Variants in MACF1 observed in about 807,000 individuals in gnomAD.
MACF1 encodes the protein microtubule-actin cross-linking factor 1.
A neutral mutation model predicts 854.8 loss-of-function variants in MACF1; 193 were observed. The observed-to-expected ratio is 0.23, with a 90% CI of 0.20 to 0.25. The LOEUF is 0.25. MACF1 is among the 10% of genes least tolerant of loss of function. The probability of loss-of-function intolerance (pLI) is 1.00; values close to 1 mark genes in which losing one functional copy is unlikely to be tolerated. For synonymous variants in MACF1, 3,185 were observed against 3,226.7 expected, an observed-to-expected ratio of 0.99 and a Z score of 0.44; for missense variants, 7,722 against 8,929.1, an observed-to-expected ratio of 0.86 and a Z score of 5.45.
At chr1:39,230,050 A>G (rs1337477441) in intron 1 of MACF1, among the ~76,000 whole-genome samples, 1 of 152,204 alleles carries the variant, frequency 6.6e-6, no homozygotes, top group African/African-American at 2.4e-5. Context: ...TGTGTGTCCC[A>G]AATGCCAAGG....
chr1:39,433,098 C>T lies in MACF1; in HGVS notation c.17508C>T (p.Phe5836=). ...IRHKDSMDEL[F]SHRSEIFGTC... ...ACAAAGATTCAATGGATGAACTCTT[C>T]AGTCACCGTAGTGAAATCTTTGGCA... is the stretch of plus-strand genomic sequence containing the variant. The change falls in exon 68 of 101, where the codon TTC becomes TTT. Residue 5836 remains phenylalanine (F), a synonymous_variant. Coordinates refer to ENST00000564288, the MANE Select transcript of MACF1 (RefSeq NM_001394062.1). The T allele has an allele frequency of 6.2e-7, 1 of 1,612,476 alleles. No individual in the cohort carries two copies. The highest frequency in any genetic ancestry group is 8.5e-7 in the Non-Finnish European group (1 of 1,179,132).
intron 58 of MACF1, chr1:39,411,225 G>A: frequency 6.2e-7 from 1 of 1,613,868 alleles, no homozygotes; most frequent in Non-Finnish European, 8.5e-7. Context: ...CTGAGCTAAA[G>A]TTTGAGGAGG....
intron 6 of MACF1, chr1:39,269,832 C>T (rs1227272711): frequency 2.3e-6 from 2 of 861,052 alleles, no homozygotes; most frequent in Non-Finnish European, 3.1e-6. Flanking sequence ...CTCAAACTTA[C>T]CCCCATGTGG....
rs1406092352 is a variant in MACF1, at chr1:39,480,905, A to T, written c.22171-15A>T. The T allele has an allele frequency of 7.0e-7, 1 of 1,435,928 alleles. No homozygotes were observed. The highest frequency in any genetic ancestry group is 9.6e-7 in the Non-Finnish European group (1 of 1,044,302). The allele number at this position is 1,435,928 out of a possible 1,614,324, so 88.9% of individuals were successfully genotyped here. A position where few individuals can be genotyped will look rare whatever the true frequency, so the allele number is the denominator to read the frequency against. ...CAATTGTTCCTGTCCTTCCCTTTGG[A>T]TTTCCGTTTCACAGACTTCACTTCA... On this transcript the variant is annotated splice_polypyrimidine_tract_variant and intron_variant, in intron 98 of 100. Transcript: ENST00000564288.
chr1:39,315,721 G>A (rs1180643223), intron 27 of MACF1, 30 bp downstream of exon 27: 30 of 1,604,878 alleles, frequency 1.9e-5, no homozygotes, highest in Non-Finnish European at 2.3e-5. Context: ...GGGTCCAAGA[G>A]CAATATTTTC....
At chr1:39,164,910 T>G (rs1643868260) in intron 2 of MACF1, among the ~76,000 whole-genome samples, 1 of 152,260 alleles carries the variant, frequency 6.6e-6, no homozygotes. Flanking sequence ...TACAGCCAAG[T>G]GCAAATCAGC....
At chr1:39,411,787 A>G (rs1198802538) in intron 58 of MACF1, 8 of 1,613,886 alleles carry the variant, frequency 5.0e-6, no homozygotes, top group African/African-American at 1.3e-5. Context: ...ACTCGTAATT[A>G]GTCATTTTTC....
Position 39,327,298 on chromosome 1 carries a change from C to G in MACF1, c.4559C>G (p.Ser1520Cys). The G allele has an allele frequency of 6.2e-7, 1 of 1,607,530 alleles. No homozygotes were observed. The highest frequency in any genetic ancestry group is 1.1e-5 in the South Asian group (1 of 90,700). ...NKAYHDLCDG[S>C]ANQLQQLQSQ... ...GCTTACCATGACCTTTGTGATGGTT[C>G]TGCAAATCAGCTTCAGCAGCTTCAG... Residue 1520 changes from serine to cysteine, a missense_variant, in exon 36 of 101, where the codon TCT (serine) becomes TGT (cysteine). Physicochemically the swap from Ser to Cys is moderately radical, Grantham distance 112 (BLOSUM62 -1). This residue lies in a region of MACF1 where 1,531 missense variants were observed against 1,601.6 expected (regional missense o/e 0.96). Transcript: ENST00000564288.
intron 58 of MACF1, chr1:39,410,690 C>T (rs775952549): frequency 6.2e-7 from 1 of 1,613,852 alleles, no homozygotes; most frequent in South Asian, 1.1e-5. Context: ...CCCAACTTCC[C>T]AGAATTTGCA....
chr1:39,141,740 A>G (rs757815916), intron 2 of MACF1, among the ~76,000 whole-genome samples: 2 of 152,198 alleles, frequency 1.3e-5, no homozygotes, highest in Non-Finnish European at 2.9e-5. Context: ...AAATTCAGGT[A>G]TTAGTTTACA....
rs757504348 is a variant in MACF1 at position 39,333,454 on chromosome 1, C to T, written c.6866C>T (p.Ser2289Phe). 2.5e-6 allele frequency: 4 copies of T among 1,614,000 alleles called. No homozygotes were observed. Among genetic ancestry groups the T allele is most frequent in the Admixed American group, 1.7e-5 (1 of 59,990 alleles). Residue 2289 changes from serine (S) to phenylalanine (F), a missense_variant, in exon 37 of 101, where the codon TCT becomes TTT. By Grantham distance (155) the Ser-to-Phe change is radical. Coordinates refer to ENST00000564288, the MANE Select transcript of MACF1 (RefSeq NM_001394062.1). ...GAAGAAGCTACCTTAAATGTATTATCTGCACAGTTACTAGATGGTGGTATC... is the reference window on the plus strand; with the variant it reads ...GAAGAAGCTACCTTAAATGTATTATTTGCACAGTTACTAGATGGTGGTATC... ...LLEEATLNVLSAQLLDGGIFH... is the reference protein window; with the variant it reads ...LLEEATLNVLFAQLLDGGIFH...
chr1:39,206,463 A>C, intron 1 of MACF1: 1 of 152,348 alleles, frequency 6.6e-6, no homozygotes, highest in South Asian at 2.1e-4. Context: ...AACATTAAAT[A>C]ACTAATTAGT....
chr1:39,195,175 A>G (rs3931300), intron 2 of MACF1, among the ~76,000 whole-genome samples: 100,291 of 151,972 alleles, frequency 0.66, 33,710 homozygotes, highest in South Asian at 0.79. Context: ...CCTCTCTAGA[A>G]GAGCATTTTG....
At chr1:39,104,662 C>T (rs1557455596) in intron 2 of MACF1, among the ~76,000 whole-genome samples, 1 of 152,186 alleles carries the variant, frequency 6.6e-6, no homozygotes. Flanking sequence ...GTTTTCGTGC[C>T]TCCCTGGGTT....
In MACF1 at chr1:39,447,707, G is replaced by C; in HGVS notation, c.19777G>C (p.Val6593Leu). The change falls in exon 82 of 101, where the codon GTA becomes CTA. Residue 6593 changes from valine to leucine, a missense_variant. This residue lies in a region of MACF1 where 729 missense variants were observed against 900.5 expected (regional missense o/e 0.81). Coordinates refer to ENST00000564288, the MANE Select transcript of MACF1 (RefSeq NM_001394062.1). ...IEEHKVFANEVNAHRDQIIEL... is the reference protein window; with the variant it reads ...IEEHKVFANELNAHRDQIIEL... ...GTTCCCTCAGGTTTTTGCTAATGAA[G>C]TAAATGCTCATCGAGACCAGATCAT... is the stretch of plus-strand genomic sequence containing the variant. 6.2e-7 allele frequency: 1 copy of C among 1,613,940 alleles called. No individual in the cohort carries two copies. The highest frequency in any genetic ancestry group is 8.5e-7 in the Non-Finnish European group (1 of 1,179,948).
At chr1:39,114,182 G>T (rs1376374314) in intron 2 of MACF1, among the ~76,000 whole-genome samples, 3 of 142,462 alleles carry the variant, frequency 2.1e-5, no homozygotes, top group Admixed American at 7.0e-5. Context: ...ATACTTTACT[G>T]TTTTTTTTTT....
intron 93 of MACF1, among the ~76,000 whole-genome samples, chr1:39,462,414 G>A (rs1644572134): frequency 1.3e-5 from 2 of 152,146 alleles, no homozygotes; most frequent in Admixed American, 1.3e-4. Context: ...GCATTTAAGG[G>A]TTGAAATGGA....
intron 2 of MACF1, among the ~76,000 whole-genome samples, chr1:39,100,376 T>C (rs1642039120): frequency 1.3e-5 from 2 of 152,136 alleles, no homozygotes; most frequent in Admixed American, 6.6e-5. Context: ...AAGGGTGTCA[T>C]TGGAGATCAG....
chr1:39,420,831 G>T (rs1240322427), intron 58 of MACF1, among the ~76,000 whole-genome samples: 1 of 151,442 alleles, frequency 6.6e-6, no homozygotes, highest in Non-Finnish European at 1.5e-5. Context: ...AAATATAGCT[G>T]GTTCTATCCC....
Sources: allele counts gnomAD v4.1 joint callset (sites outside exome capture counted in the v4.1 genomes callset), GRCh38; gene constraint gnomAD v4.1.1; regional missense constraint gnomAD v4.1.1; transcripts MANE v1.5; gene names NCBI Gene and HGNC (gene_info 2026-07-23, HGNC 2026-07-21).